Variants in FLNB observed in about 807,000 individuals in gnomAD.
The protein encoded by FLNB is filamin-B.
Under a neutral mutation model 250.6 loss-of-function variants are expected in FLNB, and 111 were observed. That is an observed-to-expected ratio of 0.44 (90% CI 0.38 to 0.52). The LOEUF (loss-of-function observed/expected upper bound fraction) is 0.52, where lower values mean the gene tolerates loss of function less well. Among genes scored for constraint, FLNB ranks in the 20% least tolerant of loss-of-function variants. FLNB has a pLI of 0.00. For missense variants in FLNB, 2,869 were observed against 3,447.8 expected (o/e 0.83, Z 4.20); for synonymous variants, 1,302 against 1,372.1 (o/e 0.95, Z 1.13).
chr3:58,035,067 C>T (rs949421061), intron 1 of FLNB, among the ~76,000 whole-genome samples: 7 of 152,182 alleles, frequency 4.6e-5, no homozygotes, highest in African/African-American at 1.7e-4. Flanking sequence ...GTGGAGTGGA[C>T]CTCAAGGAGG....
intron 13 of FLNB, 78 bp from the exon 14 acceptor site, chr3:58,109,101 C>A: frequency 6.3e-7 from 1 of 1,585,732 alleles, no homozygotes; most frequent in Non-Finnish European, 8.7e-7. Context: ...ACTTGGCTGT[C>A]TTGGGAGGCC....
Position 58,035,874 on chromosome 3 carries a change from G to A in FLNB, c.292+27018G>A, listed in dbSNP as rs188137262. Among the ~76,000 whole-genome samples the A allele has an allele frequency of 2.6e-4, 40 of 152,158 alleles. 2 individuals are homozygous for A. Among genetic ancestry groups the A allele is most frequent in the Admixed American group, 2.6e-3 (39 of 15,270 alleles). On this transcript the variant is annotated intron_variant, in intron 1 of 45. Coordinates refer to ENST00000295956, the MANE Select transcript of FLNB (RefSeq NM_001457.4). ...CAGTACAACATTCTCGGCCTGGGGC[G>A]GCAGCATGGGAAAGATTTTTATTGG...
chr3:58,147,747 A>G (rs1196745200), intron 34 of FLNB, among the ~76,000 whole-genome samples: 1 of 151,898 alleles, frequency 6.6e-6, no homozygotes, highest in Non-Finnish European at 1.5e-5. Context: ...TGTGACCTCT[A>G]CCTCCTGGGT....
chr3:58,154,973 A>T, intron 40 of FLNB, 45 bp downstream of exon 40: 2 of 1,595,836 alleles, frequency 1.3e-6, no homozygotes, highest in East Asian at 2.2e-5. Flanking sequence ...TTGTTTGAAC[A>T]TGATTAGGTT....
chr3:58,163,395 A>G, intron 43 of FLNB, 65 bp downstream of exon 43: 1 of 1,542,874 alleles, frequency 6.5e-7, no homozygotes, highest in South Asian at 1.1e-5. Flanking sequence ...GCCAGATGGA[A>G]ATCCTCAAGC....
intron 2 of FLNB, chr3:58,078,507 A>G (rs757903126): frequency 6.5e-7 from 1 of 1,536,408 alleles, no homozygotes; most frequent in South Asian, 1.2e-5. Flanking sequence ...TAGCACCCGG[A>G]GGAGAAGTCT....
At chr3:58,078,423 T>C in intron 2 of FLNB, 2 of 1,535,172 alleles carry the variant, frequency 1.3e-6, no homozygotes, top group Non-Finnish European at 1.7e-6. Context: ...GGCACCAGGC[T>C]TTTTCCAAGC....
intron 34 of FLNB, 99 bp downstream of exon 34, chr3:58,147,092 C>T: frequency 8.0e-7 from 1 of 1,255,166 alleles, no homozygotes; most frequent in Non-Finnish European, 1.1e-6. Context: ...CTAGACGTCT[C>T]TTTGAGTTTA....
At chr3:58,088,038 C>CTTTTTT (rs56009116) in intron 4 of FLNB, among the ~76,000 whole-genome samples, 2 of 84,528 alleles carry the variant, frequency 2.4e-5, no homozygotes, top group Non-Finnish European at 4.3e-5. Context: ...GGCGCCCAGC[C>CTTTTTT]TTTTTTTTTT....
chr3:58,096,055 C>A, intron 5 of FLNB, 86 bp from the exon 6 acceptor site: 2 of 1,022,262 alleles, frequency 2.0e-6, no homozygotes, highest in Non-Finnish European at 1.5e-6. Flanking sequence ...TCCGACCTGG[C>A]AGCTCCTGCA....
intron 19 of FLNB, among the ~76,000 whole-genome samples, chr3:58,120,268 C>A (rs11130613): frequency 0.39 from 58,699 of 152,120 alleles, 13,615 homozygotes; most frequent in East Asian, 0.91. Flanking sequence ...CCAACCCTGT[C>A]ATGTGTCCCC....
chr3:58,083,307 T>A (rs1576686280), intron 4 of FLNB, among the ~76,000 whole-genome samples: 1 of 151,556 alleles, frequency 6.6e-6, no homozygotes, highest in Middle Eastern at 3.4e-3. Context: ...TTGTAGGATG[T>A]TCCTTCCCTA....
At chr3:58,040,912 C>T (rs910703253) in intron 1 of FLNB, among the ~76,000 whole-genome samples, 1 of 151,952 alleles carries the variant, frequency 6.6e-6, no homozygotes, top group Non-Finnish European at 1.5e-5. Context: ...TTTTTTGGAT[C>T]ATAGAATGGA....
chr3:58,100,440 G>C (rs1454558441), intron 8 of FLNB, among the ~76,000 whole-genome samples: 1 of 144,720 alleles, frequency 6.9e-6, no homozygotes, highest in African/African-American at 2.6e-5. Flanking sequence ...TTGGGCTGGA[G>C]TGCAGTGGTA....
In FLNB at chr3:58,077,101, G is replaced by T. The variant is rs1442864989; in HGVS notation, c.348G>T (p.Thr116=). The T allele has an allele frequency of 6.2e-7, 1 of 1,614,000 alleles. No individual in the cohort carries two copies. Among genetic ancestry groups the T allele is most frequent in the Admixed American group, 1.7e-5 (1 of 59,996 alleles). Residue 116 remains threonine, a synonymous_variant, in exon 2 of 46, where the codon ACG becomes ACT. Transcript: ENST00000295956. ...NLKLILGLVW[T]LILHYSISMP... is the part of the protein sequence containing the mutation. ...AGCTCATCTTGGGTCTGGTGTGGAC[G>T]CTGATCCTCCACTACTCCATCTCCA...
chr3:58,146,693 C>T lies in FLNB; in HGVS notation c.5555-127C>T, dbSNP rs182584848. On this transcript the variant is annotated intron_variant, in intron 33 of 45. Coordinates refer to ENST00000295956, the MANE Select transcript of FLNB (RefSeq NM_001457.4). ...CTGACAGATGTCCCTTTGCCCACAG[C>T]TCACGTGGAGTGCGTCAATCCATTG... 2,854 of 932,666 alleles carry T rather than the reference C, an allele frequency of 3.1e-3. 9 individuals carry two copies. Among genetic ancestry groups the T allele is most frequent in the Admixed American group, 6.2e-3 (314 of 50,948 alleles). 57.8% of individuals were successfully genotyped at this position (932,666 alleles called of 1,614,324 possible).
intron 10 of FLNB, 113 bp downstream of exon 10, chr3:58,104,198 C>CTT (rs34703970): frequency 1.1e-3 from 725 of 665,424 alleles, no homozygotes; most frequent in East Asian, 2.6e-3. Context: ...TTGTTGAAAA[C>CTT]TTTTTTTTTT....
At chr3:58,020,195 C>G (rs2097111751) in intron 1 of FLNB, among the ~76,000 whole-genome samples, 1 of 152,004 alleles carries the variant, frequency 6.6e-6, no homozygotes, top group South Asian at 2.1e-4. Context: ...TCACCCACAC[C>G]CTTTTCTTCT....
rs1174805764 is a variant in FLNB at position 58,024,701 on chromosome 3, C to CTT, written c.292+15871_292+15872dup. Among the ~76,000 whole-genome samples, 499 of 83,726 alleles carry CTT rather than the reference C, an allele frequency of 6.0e-3. 49 individuals are homozygous for CTT. Among genetic ancestry groups the CTT allele is most frequent in the African/African-American group, 0.014 (310 of 22,432 alleles). The allele number at this position is 83,726 out of a possible 152,430, so 54.9% of individuals were successfully genotyped here. On this transcript the variant is annotated intron_variant, in intron 1 of 45. Transcript: ENST00000295956. ...ATTTCTGGTCTTCTGGCCAAGCCTC[C>CTT]TTTTTTTTTTTTTTTTTTTTTTTTT...
Sources: gnomAD v4.1 joint callset for allele counts (sites outside exome capture counted in the v4.1 genomes callset) on GRCh38, gnomAD v4.1.1 for gene constraint, MANE v1.5 for transcripts, NCBI Gene and HGNC (gene_info 2026-07-23, HGNC 2026-07-21) for gene names.